The following EPHA6 variants were observed in gnomAD, a reference collection of about 807,000 sequenced individuals.
EPHA6 encodes the protein EPH receptor A6.
EPHA6 carries 50 observed loss-of-function variants against 112.0 expected under a neutral mutation model. The ratio of observed to expected loss-of-function variants is 0.45; its 90% CI spans 0.36 to 0.56. The LOEUF (loss-of-function observed/expected upper bound fraction) is 0.56, where lower values mean the gene tolerates loss of function less well. Ranked by LOEUF, EPHA6 falls within the 20% of genes least tolerant of loss-of-function variation. EPHA6 has a pLI of 0.00. For synonymous variants in EPHA6, 529 were observed against 490.7 expected (o/e 1.08, Z -1.03); for missense variants, 1,280 against 1,417.4 (o/e 0.90, Z 1.56).
intron 3 of EPHA6, among the ~76,000 whole-genome samples, chr3:97,064,589 T>A (rs538854964): frequency 1.3e-5 from 2 of 152,312 alleles, no homozygotes; most frequent in African/African-American, 4.8e-5. Context: ...AATATCCATT[T>A]CTTTAATGAA....
intron 14 of EPHA6, among the ~76,000 whole-genome samples, chr3:97,718,698 AT>A (rs2034366088): frequency 6.6e-6 from 1 of 152,094 alleles, no homozygotes; most frequent in African/African-American, 2.4e-5. Flanking sequence ...TGTAAATTTA[AT>A]TCCCTAGTCT....
intron 9 of EPHA6, among the ~76,000 whole-genome samples, chr3:97,480,845 G>T (rs1031605257): frequency 6.6e-6 from 1 of 151,896 alleles, no homozygotes; most frequent in Non-Finnish European, 1.5e-5. Context: ...CAGATGGGGC[G>T]GCCGGGCAGA....
intron 4 of EPHA6, among the ~76,000 whole-genome samples, chr3:97,232,514 G>A (rs910760645): frequency 1.4e-4 from 22 of 152,208 alleles, no homozygotes; most frequent in Non-Finnish European, 2.8e-4. Flanking sequence ...AATATATTAA[G>A]TCCTGCACCT....
intron 3 of EPHA6, among the ~76,000 whole-genome samples, chr3:97,141,013 G>T (rs2075886990): frequency 6.6e-6 from 1 of 151,952 alleles, no homozygotes; most frequent in African/African-American, 2.4e-5. Context: ...AAACAATGAT[G>T]ACCAGGAGTA....
intron 10 of EPHA6, among the ~76,000 whole-genome samples, chr3:97,505,563 C>T (rs1206976163): frequency 3.9e-5 from 6 of 152,078 alleles, no homozygotes; most frequent in Non-Finnish European, 2.9e-5. Flanking sequence ...GTATATGTGC[C>T]ATGTTTTCTT....
At position 97,755,232 on chromosome 3, in the gene EPHA6, T is replaced by C. The variant is rs1420615964; in HGVS notation, c.*6531T>C. ...ATGAGGAGGAAAAGTAGCTCTTAAA[T>C]GTTAAATAAAGATGTGGCTTCTATA... is the stretch of plus-strand genomic sequence containing the variant. On this transcript the variant is annotated 3_prime_UTR_variant, in exon 18 of 18. Transcript: ENST00000389672. 1.3e-5 allele frequency among the ~76,000 whole-genome samples: 2 copies of C among 152,158 alleles called. No homozygotes were observed. The highest frequency in any genetic ancestry group is 4.8e-5 in the African/African-American group (2 of 41,448).
chr3:97,294,202 G>C (rs1182488015), intron 5 of EPHA6, among the ~76,000 whole-genome samples: 1 of 152,142 alleles, frequency 6.6e-6, no homozygotes, highest in Non-Finnish European at 1.5e-5. Context: ...CCAATTCATA[G>C]TGGGCAGGGC....
At chr3:97,432,112 G>T (rs374940891) in intron 6 of EPHA6, among the ~76,000 whole-genome samples, 7 of 151,968 alleles carry the variant, frequency 4.6e-5, no homozygotes, top group African/African-American at 1.7e-4. Context: ...GATCTCAACT[G>T]CCACTTAATT....
intron 14 of EPHA6, among the ~76,000 whole-genome samples, chr3:97,699,743 C>T (rs969540891): frequency 1.3e-5 from 2 of 152,154 alleles, no homozygotes; most frequent in African/African-American, 2.4e-5. Flanking sequence ...GACCAAGAAA[C>T]GTCTAGAAAA....
chr3:97,098,718 T>C (rs1576484656), intron 3 of EPHA6, among the ~76,000 whole-genome samples: 1 of 151,764 alleles, frequency 6.6e-6, no homozygotes, highest in Non-Finnish European at 1.5e-5. Context: ...TCAACAAAAA[T>C]AGGGGTATCT....
At chr3:96,943,593 A>G (rs1403615942) in intron 2 of EPHA6, among the ~76,000 whole-genome samples, 4 of 152,240 alleles carry the variant, frequency 2.6e-5, no homozygotes, top group Admixed American at 6.5e-5. Flanking sequence ...GTATTTAAAA[A>G]CATAAGCAGT....
At chr3:97,596,098 G>C (rs922602953) in intron 12 of EPHA6, among the ~76,000 whole-genome samples, 7 of 151,496 alleles carry the variant, frequency 4.6e-5, no homozygotes, top group African/African-American at 1.7e-4. Flanking sequence ...GTAGAGGCGG[G>C]GTTTCACTGT....
At chr3:97,004,426 A>C (rs553841957) in intron 3 of EPHA6, among the ~76,000 whole-genome samples, 1 of 152,094 alleles carries the variant, frequency 6.6e-6, no homozygotes, top group South Asian at 2.1e-4. Flanking sequence ...ATTTTTATTG[A>C]CCACATACAT....
At chr3:97,129,450 C>T (rs540475065) in intron 3 of EPHA6, among the ~76,000 whole-genome samples, 2 of 151,148 alleles carry the variant, frequency 1.3e-5, no homozygotes, top group African/African-American at 2.4e-5. Flanking sequence ...TGCAGTGAGC[C>T]GAGATCGTGC....
intron 3 of EPHA6, among the ~76,000 whole-genome samples, chr3:97,091,617 T>G (rs912466420): frequency 6.6e-6 from 1 of 152,084 alleles, no homozygotes; most frequent in Non-Finnish European, 1.5e-5. Flanking sequence ...TCTTTAAACC[T>G]TCTGTTTTCT....
chr3:97,425,456 C>CT (rs1483693157), intron 6 of EPHA6, among the ~76,000 whole-genome samples: 1 of 152,240 alleles, frequency 6.6e-6, no homozygotes, highest in Non-Finnish European at 1.5e-5. Context: ...ACAACCCGAG[C>CT]TTGTACATTG....
intron 3 of EPHA6, among the ~76,000 whole-genome samples, chr3:97,096,455 G>A (rs1389122307): frequency 1.3e-5 from 2 of 151,884 alleles, no homozygotes; most frequent in Middle Eastern, 3.4e-3. Flanking sequence ...ATTTGTTCAA[G>A]GGTAATGATT....
At chr3:97,392,742 G>T (rs1393860391) in intron 5 of EPHA6, among the ~76,000 whole-genome samples, 2 of 151,428 alleles carry the variant, frequency 1.3e-5, no homozygotes, top group Non-Finnish European at 3.0e-5. Flanking sequence ...CGTAATATTA[G>T]TTAAAATGAT....
chr3:96,823,740 A>G (rs1057478889), intron 1 of EPHA6, among the ~76,000 whole-genome samples: 1 of 151,850 alleles, frequency 6.6e-6, no homozygotes, highest in African/African-American at 2.4e-5. Context: ...AGACTGGAAT[A>G]TCTTGGAAAA....
Sources: allele counts gnomAD v4.1 joint callset (sites outside exome capture counted in the v4.1 genomes callset), GRCh38; gene constraint gnomAD v4.1.1; transcripts MANE v1.5; gene names NCBI Gene and HGNC (gene_info 2026-07-23, HGNC 2026-07-21).